VPS13B: variants seen among roughly 807,000 people sequenced by gnomAD.
The protein encoded by VPS13B is vacuolar protein sorting 13 homolog B, also known as intermembrane lipid transfer protein VPS13B.
VPS13B carries 285 observed loss-of-function variants against 426.4 expected under a neutral mutation model. The observed-to-expected ratio is 0.67, with a 90% CI of 0.61 to 0.74. The LOEUF (loss-of-function observed/expected upper bound fraction) is 0.74, where lower values mean the gene tolerates loss of function less well. VPS13B is among the 30% of genes least tolerant of loss of function. The pLI, the probability that VPS13B is intolerant of heterozygous loss-of-function variation, is 0.00. For synonymous variants in VPS13B, 1,676 were observed against 1,676.4 expected, an observed-to-expected ratio of 1.00 and a Z score of 0.01; for missense variants, 4,537 against 4,782.6, an observed-to-expected ratio of 0.95 and a Z score of 1.51.
intron 33 of VPS13B, among the ~76,000 whole-genome samples, chr8:99,594,351 T>G (rs1826879377): frequency 6.6e-6 from 1 of 151,956 alleles, no homozygotes; most frequent in Non-Finnish European, 1.5e-5. Context: ...GAGATAATAA[T>G]AGTCTTCCCC....
intron 25 of VPS13B, among the ~76,000 whole-genome samples, chr8:99,493,686 A>G (rs1317354544): frequency 5.3e-5 from 8 of 151,734 alleles, no homozygotes; most frequent in African/African-American, 1.7e-4. Flanking sequence ...GGAGGCTGCA[A>G]CAGGAGAATC....
intron 33 of VPS13B, among the ~76,000 whole-genome samples, chr8:99,635,686 A>C (rs1021559564): frequency 3.3e-5 from 5 of 151,946 alleles, no homozygotes; most frequent in Admixed American, 3.3e-4. Flanking sequence ...GCATCCATTT[A>C]TTTGCAACAT....
intron 7 of VPS13B, 107 bp from the exon 8 acceptor site, chr8:99,121,070 C>T (rs772965855): frequency 1.7e-5 from 16 of 949,932 alleles, no homozygotes; most frequent in South Asian, 3.3e-5. Flanking sequence ...TTTGTTTATA[C>T]CTTATATTAG....
At chr8:99,871,031 C>G in intron 60 of VPS13B, 144 bp downstream of exon 60, 1 of 829,848 alleles carries the variant, frequency 1.2e-6, no homozygotes, top group South Asian at 1.5e-5. Flanking sequence ...AGCACAAGAG[C>G]ACTGTAGAGG....
chr8:99,102,594 G>C lies in VPS13B; in HGVS notation c.413-359G>C, dbSNP rs565709732. Among the ~76,000 whole-genome samples, 21 of 152,198 alleles carry C rather than the reference G, an allele frequency of 1.4e-4. 2 individuals carry two copies. Among genetic ancestry groups the C allele is most frequent in the African/African-American group, 5.1e-4 (21 of 41,530 alleles). On this transcript the variant is annotated intron_variant, in intron 4 of 61. Transcript: ENST00000357162. ...CATATAGTAACATTGCTTCATTTTG[G>C]AAAATGTTTATATAATACAATAAGC...
intron 23 of VPS13B, among the ~76,000 whole-genome samples, chr8:99,448,222 T>C (rs1588390702): frequency 6.6e-6 from 1 of 151,218 alleles, no homozygotes; most frequent in Non-Finnish European, 1.5e-5. Flanking sequence ...ACATACCAGA[T>C]GGAGAGGGCT....
At chr8:99,692,507 C>T (rs1450266653) in intron 35 of VPS13B, among the ~76,000 whole-genome samples, 1 of 149,260 alleles carries the variant, frequency 6.7e-6, no homozygotes, top group Non-Finnish European at 1.5e-5. Flanking sequence ...AGAACAAAGA[C>T]ACAACATACC....
chr8:99,559,751 G>T (rs535595407), intron 31 of VPS13B, among the ~76,000 whole-genome samples: 1 of 152,244 alleles, frequency 6.6e-6, no homozygotes, highest in East Asian at 1.9e-4. Context: ...GCTCTATTCT[G>T]TTCCATTGTT....
intron 24 of VPS13B, among the ~76,000 whole-genome samples, chr8:99,478,452 T>G (rs55946614): frequency 0.05 from 4,291 of 85,710 alleles, 127 homozygotes; most frequent in African/African-American, 0.082. Context: ...GTTTTGTTTT[T>G]TTTTTTTTTT....
chr8:99,419,361 A>T (rs895413777), intron 21 of VPS13B, among the ~76,000 whole-genome samples: 1 of 152,138 alleles, frequency 6.6e-6, no homozygotes, highest in African/African-American at 2.4e-5. Context: ...TGTCTTTATA[A>T]ATTACCCAGT....
At chr8:99,284,740 T>A (rs1819345401) in intron 19 of VPS13B, among the ~76,000 whole-genome samples, 1 of 58,262 alleles carries the variant, frequency 1.7e-5, no homozygotes, top group Non-Finnish European at 3.8e-5. Context: ...GTGTGTGTTT[T>A]TGTAGAGACA....
intron 35 of VPS13B, among the ~76,000 whole-genome samples, chr8:99,683,702 T>A (rs1831250751): frequency 6.6e-6 from 1 of 152,222 alleles, no homozygotes; most frequent in Non-Finnish European, 1.5e-5. Flanking sequence ...TGTGTGATGA[T>A]CTTGTATTCT....
At chr8:99,600,700 G>A (rs1827247028) in intron 33 of VPS13B, among the ~76,000 whole-genome samples, 1 of 152,198 alleles carries the variant, frequency 6.6e-6, no homozygotes, top group Admixed American at 6.5e-5. Flanking sequence ...ATTTGCCTGA[G>A]AGGCAGTGTC....
intron 30 of VPS13B, among the ~76,000 whole-genome samples, chr8:99,535,134 G>C (rs868279435): frequency 6.6e-6 from 1 of 152,102 alleles, no homozygotes; most frequent in East Asian, 1.9e-4. Context: ...TTAATTTAAT[G>C]TGCAGAATTA....
chr8:99,701,289 C>T (rs923405607), intron 36 of VPS13B, among the ~76,000 whole-genome samples: 1 of 152,166 alleles, frequency 6.6e-6, no homozygotes, highest in Non-Finnish European at 1.5e-5. Flanking sequence ...GCAACCCAGA[C>T]AACACTAGGT....
At chr8:99,723,034 A>G (rs1045767239) in intron 39 of VPS13B, among the ~76,000 whole-genome samples, 5 of 152,228 alleles carry the variant, frequency 3.3e-5, no homozygotes, top group African/African-American at 7.2e-5. Context: ...TACTAGTGGC[A>G]TATTTTCTAT....
chr8:99,480,976 T>C (rs911922556), intron 24 of VPS13B, among the ~76,000 whole-genome samples: 2 of 152,192 alleles, frequency 1.3e-5, no homozygotes, highest in African/African-American at 4.8e-5. Context: ...TGAAATCTTG[T>C]GTAAATATCT....
At chr8:99,832,793 A>AT in intron 52 of VPS13B, 141 bp downstream of exon 52, 1 of 849,890 alleles carries the variant, frequency 1.2e-6, no homozygotes, top group Non-Finnish European at 1.8e-6. Flanking sequence ...TAGACATTGT[A>AT]TACAGTGGGT....
chr8:99,684,637 A>G (rs1831305202), intron 35 of VPS13B, among the ~76,000 whole-genome samples: 1 of 152,188 alleles, frequency 6.6e-6, no homozygotes, highest in Admixed American at 6.5e-5. Context: ...AAAATTCTCA[A>G]ATAGCTGCTC....
Sources: allele counts gnomAD v4.1 joint callset (sites outside exome capture counted in the v4.1 genomes callset), GRCh38; gene constraint gnomAD v4.1.1; transcripts MANE v1.5; gene names NCBI Gene and HGNC (gene_info 2026-07-23, HGNC 2026-07-21).